NEK3: variants seen among roughly 807,000 people sequenced by gnomAD.
The protein encoded by NEK3 is NIMA related kinase 3.
A neutral mutation model predicts 66.0 loss-of-function variants in NEK3; 54 were observed. That is an observed-to-expected ratio of 0.82 (90% CI 0.66 to 1.03). The LOEUF is 1.03. Ranked by LOEUF, NEK3 falls within the 50% of genes least tolerant of loss-of-function variation. The pLI, the probability that NEK3 is intolerant of heterozygous loss-of-function variation, is 0.00. For synonymous variants in NEK3, 200 were observed against 206.2 expected (o/e 0.97, Z 0.26); for missense variants, 593 against 603.0 (o/e 0.98, Z 0.17).
rs1956369954 is a variant in NEK3 at position 52,153,969 on chromosome 13, T to C, written c.235A>G (p.Met79Val). ...AGATCCCCTCCATCACAGTATTCCA[T>C]CACAATATACAAGTGTCCTTCAGCT... ...FEAEGHLYIV[M>V]EYCDGGDLMQ... The change falls in exon 4 of 16, where the codon ATG (methionine) becomes GTG (valine). Residue 79 changes from methionine to valine, a missense_variant. Coordinates refer to ENST00000610828, the MANE Select transcript of NEK3 (RefSeq NM_002498.3). 3 of 1,612,898 alleles carry C rather than the reference T, an allele frequency of 1.9e-6. No individual in the cohort carries two copies. The highest frequency in any genetic ancestry group is 2.5e-6 in the Non-Finnish European group (3 of 1,179,260).
At chr13:52,159,324 G>T (rs1956423828) in intron 1 of NEK3, 1 of 152,276 alleles carries the variant, frequency 6.6e-6, no homozygotes, top group African/African-American at 2.4e-5. Flanking sequence ...TGGAAAAGCC[G>T]CTCCGCCCTG....
Position 52,135,879 on chromosome 13 carries a change from C to G in NEK3, c.1175-16G>C. 1 of 1,603,636 alleles carries G rather than the reference C, an allele frequency of 6.2e-7. No individual in the cohort carries two copies. Among genetic ancestry groups the G allele is most frequent in the Non-Finnish European group, 8.5e-7 (1 of 1,177,080 alleles). ...ACAGAACCACCTAGTTGCAAAAAGA[C>G]AAAAATTAGTGCTGAATAAAAAAAG... On this transcript the variant is annotated splice_polypyrimidine_tract_variant and intron_variant, in intron 13 of 15. Coordinates refer to ENST00000610828, the MANE Select transcript of NEK3 (RefSeq NM_002498.3).
chr13:52,153,913 C>G lies in NEK3; in HGVS notation c.291G>C (p.Lys97Asn). The G allele has an allele frequency of 1.2e-6, 2 of 1,609,036 alleles. No homozygotes were observed. The highest frequency in any genetic ancestry group is 1.7e-6 in the Non-Finnish European group (2 of 1,175,716). Residue 97 changes from lysine (K) to asparagine (N), a missense_variant, in exon 4 of 16, where the codon AAG (lysine) becomes AAC (asparagine). Lys to Asn is a moderately conservative substitution (Grantham distance 94, BLOSUM62 0). Coordinates refer to ENST00000610828, the MANE Select transcript of NEK3 (RefSeq NM_002498.3). ...CTCTTACCATGTCTTCAGGAAATAA[C>G]TTTCCTTTCTGCTGTTTAATCTTTT... is the stretch of plus-strand genomic sequence containing the variant. Reference protein sequence around the residue: ...LMQKIKQQKGKLFPEDMILNW... With the variant: ...LMQKIKQQKGNLFPEDMILNW...
chr13:52,158,707 G>A (rs1360472484), intron 1 of NEK3, among the ~76,000 whole-genome samples: 4 of 152,148 alleles, frequency 2.6e-5, no homozygotes, highest in Non-Finnish European at 5.9e-5. Flanking sequence ...TCGCATGCCT[G>A]CAACAATACT....
chr13:52,133,332 T>C lies in NEK3; in HGVS notation c.1437-106A>G, dbSNP rs1048388129. 4.4e-5 allele frequency: 42 copies of C among 959,972 alleles called. No individual in the cohort carries two copies. The Middle Eastern group carries it at 1.7e-3, about 40-fold the overall frequency. 59.5% of individuals were successfully genotyped at this position (959,972 alleles called of 1,614,324 possible). On this transcript the variant is annotated intron_variant, in intron 15 of 15. Coordinates refer to ENST00000610828, the MANE Select transcript of NEK3 (RefSeq NM_002498.3). Reference sequence around the variant, plus strand: ...ATAACAATACTTAAGCTTTTGAAAATTGAGTTCCATAAGGCAACTGAAGGG... The same window carrying C: ...ATAACAATACTTAAGCTTTTGAAAACTGAGTTCCATAAGGCAACTGAAGGG...
At chr13:52,149,040 C>T (rs1956317227) in intron 7 of NEK3, among the ~76,000 whole-genome samples, 1 of 152,052 alleles carries the variant, frequency 6.6e-6, no homozygotes, top group Non-Finnish European at 1.5e-5. Flanking sequence ...TACAGGCGCC[C>T]GCCACCACGC....
intron 9 of NEK3, 144 bp from the exon 10 acceptor site, chr13:52,144,131 A>G (rs557212257): frequency 1.8e-6 from 1 of 569,450 alleles, no homozygotes; most frequent in Non-Finnish European, 3.0e-6. Context: ...AAGTACATAC[A>G]GGCCGGGCAT....
At chr13:52,143,237 A>G (rs948369900) in intron 10 of NEK3, among the ~76,000 whole-genome samples, 4 of 151,738 alleles carry the variant, frequency 2.6e-5, no homozygotes, top group Admixed American at 2.6e-4. Flanking sequence ...AATCACTTGA[A>G]CCTGGGGGGC....
intron 5 of NEK3, 34 bp downstream of exon 5, chr13:52,152,572 CTTT>C: frequency 1.8e-6 from 2 of 1,085,484 alleles, no homozygotes; most frequent in South Asian, 1.6e-5. Context: ...GAATTAAGGA[CTTT>C]TTTTTTTTAA....
chr13:52,134,566 T>C (rs1314780240), intron 14 of NEK3, among the ~76,000 whole-genome samples: 1 of 152,196 alleles, frequency 6.6e-6, no homozygotes, highest in Non-Finnish European at 1.5e-5. Flanking sequence ...TACTTTTAGA[T>C]TTTTCACAAA....
intron 14 of NEK3, among the ~76,000 whole-genome samples, chr13:52,134,392 A>T (rs1201960651): frequency 6.6e-6 from 1 of 152,144 alleles, no homozygotes; most frequent in East Asian, 1.9e-4. Context: ...TCCCAATATA[A>T]GAATGTATAT....
At chr13:52,144,633 C>A in intron 9 of NEK3, 58 bp downstream of exon 9, 2 of 1,365,198 alleles carry the variant, frequency 1.5e-6, no homozygotes, top group Non-Finnish European at 2.1e-6. Flanking sequence ...TAAAAGATAA[C>A]AAACCATTTT....
intron 9 of NEK3, 70 bp downstream of exon 9, chr13:52,144,621 G>T: frequency 1.6e-6 from 2 of 1,252,014 alleles, no homozygotes; most frequent in Non-Finnish European, 2.3e-6. Flanking sequence ...AATGTATAAT[G>T]TTAAAAGATA....
intron 11 of NEK3, among the ~76,000 whole-genome samples, chr13:52,140,019 T>A (rs1277525088): frequency 9.6e-6 from 1 of 103,820 alleles, no homozygotes; most frequent in East Asian, 2.8e-4. Flanking sequence ...CCAGGTAACA[T>A]AGCAAAATCC....
rs747776577 is a variant in NEK3, at chr13:52,151,263, C to T, written c.462-31G>A. 3.8e-5 allele frequency: 60 copies of T among 1,596,280 alleles called. No individual in the cohort carries two copies. The South Asian group carries it at 5.9e-4, about 16-fold the overall frequency. On this transcript the variant is annotated intron_variant, in intron 6 of 15. Coordinates refer to ENST00000610828, the MANE Select transcript of NEK3 (RefSeq NM_002498.3). Reference sequence around the variant, plus strand: ...ACCATAAAAAGGCAACGAATGATTACAGAACATTCCTGAAAATTGATGTTT... The same window carrying T: ...ACCATAAAAAGGCAACGAATGATTATAGAACATTCCTGAAAATTGATGTTT...
intron 11 of NEK3, among the ~76,000 whole-genome samples, chr13:52,139,691 G>A (rs1184883448): frequency 6.6e-6 from 1 of 152,132 alleles, no homozygotes; most frequent in African/African-American, 2.4e-5. Context: ...ATGAGGTCAG[G>A]AGTTCAAGAC....
chr13:52,143,914 CTTT>C lies in NEK3; in HGVS notation c.875_877del (p.Lys292del). The C allele has an allele frequency of 7.0e-7, 1 of 1,419,954 alleles. No homozygotes were observed. The allele number at this position is 1,419,954 out of a possible 1,614,324, so 88.0% of individuals were successfully genotyped here. ...AAAAAATACTCTGTCAAAATTCTTA[CTTT>C]TTTTTCTTGGTGTGTTATGCTTCGA... is the stretch of plus-strand genomic sequence containing the variant. On this transcript the variant is annotated inframe_deletion and splice_region_variant, in exon 10 of 16. Coordinates refer to ENST00000610828, the MANE Select transcript of NEK3 (RefSeq NM_002498.3).
In NEK3 at chr13:52,153,965, T is replaced by A. The variant is rs779199072; in HGVS notation, c.239A>T (p.Glu80Val). Residue 80 changes from glutamate (E) to valine (V), a missense_variant, in exon 4 of 16, where the codon GAA (glutamate) becomes GTA (valine). By Grantham distance (121) the Glu-to-Val change is moderately radical. Coordinates refer to ENST00000610828, the MANE Select transcript of NEK3 (RefSeq NM_002498.3). ...EAEGHLYIVM[E>V]YCDGGDLMQK... ...CATTAGATCCCCTCCATCACAGTAT[T>A]CCATCACAATATACAAGTGTCCTTC... is the stretch of plus-strand genomic sequence containing the variant. 46 of 1,612,884 alleles carry A rather than the reference T, an allele frequency of 2.9e-5. No individual in the cohort carries two copies. Among genetic ancestry groups the A allele is most frequent in the Non-Finnish European group, 3.9e-5 (46 of 1,179,248 alleles).
intron 11 of NEK3, among the ~76,000 whole-genome samples, chr13:52,140,337 G>A (rs1012018481): frequency 2.0e-5 from 3 of 151,926 alleles, no homozygotes; most frequent in South Asian, 2.1e-4. Flanking sequence ...GGCCGGGCAC[G>A]GTGGCTCACG....
Sources: gnomAD v4.1 joint callset for allele counts (sites outside exome capture counted in the v4.1 genomes callset) on GRCh38, gnomAD v4.1.1 for gene constraint, MANE v1.5 for transcripts, NCBI Gene and HGNC (gene_info 2026-07-23, HGNC 2026-07-21) for gene names.